Variants in AHCTF1 observed in about 807,000 individuals in gnomAD.
AHCTF1 encodes protein ELYS.
A neutral mutation model predicts 248.4 loss-of-function variants in AHCTF1; 24 were observed. The observed-to-expected ratio is 0.10, with a 90% CI of 0.07 to 0.14. The LOEUF (loss-of-function observed/expected upper bound fraction) is 0.14, where lower values mean the gene tolerates loss of function less well. Ranked by LOEUF, AHCTF1 falls within the 10% of genes least tolerant of loss-of-function variation. The pLI, the probability that AHCTF1 is intolerant of heterozygous loss-of-function variation, is 1.00. For synonymous variants in AHCTF1, 786 were observed against 929.8 expected (o/e 0.85, Z 2.81); for missense variants, 2,206 against 2,636.2 (o/e 0.84, Z 3.57).
chr1:246,878,609 A>G (rs1442752712), intron 21 of AHCTF1, among the ~76,000 whole-genome samples: 2 of 152,160 alleles, frequency 1.3e-5, no homozygotes, highest in Non-Finnish European at 2.9e-5. Context: ...ATACACTAAG[A>G]ATGGTAATGA....
rs1222656894 is a variant in AHCTF1 at position 246,899,996 on chromosome 1, C to A, written c.1432+69G>T. 4 of 1,426,532 alleles carry A rather than the reference C, an allele frequency of 2.8e-6. No homozygotes were observed. In the East Asian group the frequency reaches 9.3e-5, roughly 33 times the overall value. The allele number at this position is 1,426,532 out of a possible 1,614,324, so 88.4% of individuals were successfully genotyped here. On this transcript the variant is annotated intron_variant, in intron 10 of 35. Transcript: ENST00000648844. ...CAGATAACACTAAATGAATAAACTA[C>A]ACAACGTATACATTTACATACTTTT...
At chr1:246,897,225 A>G (rs1251580981) in intron 12 of AHCTF1, among the ~76,000 whole-genome samples, 3 of 152,194 alleles carry the variant, frequency 2.0e-5, no homozygotes, top group Non-Finnish European at 4.4e-5. Flanking sequence ...AGGCAGGAGA[A>G]TCACCTGAAC....
In AHCTF1 at chr1:246,850,434, T is replaced by A; in HGVS notation, c.5572A>T (p.Thr1858Ser). 1 of 1,596,470 alleles carries A rather than the reference T, an allele frequency of 6.3e-7. No homozygotes were observed. Among genetic ancestry groups the A allele is most frequent in the Admixed American group, 1.8e-5 (1 of 55,132 alleles). ...GATGAAACCTTAACTTCTTTTTTAGTAGTTTCTTCAACTGCTGGTTCCAAC... is the reference window on the plus strand; with the variant it reads ...GATGAAACCTTAACTTCTTTTTTAGAAGTTTCTTCAACTGCTGGTTCCAAC... ...QLLEPAVEET[T>S]KKEVKVSSVT... is the part of the protein sequence containing the mutation. Residue 1858 changes from threonine (T) to serine (S), a missense_variant, in exon 33 of 36, where the codon ACT becomes TCT. Physicochemically the swap from Thr to Ser is moderately conservative, Grantham distance 58 (BLOSUM62 1). Around this residue, in one of 6 missense-constraint regions of AHCTF1, gnomAD observed 29 missense variants for 57.1 expected, o/e 0.51. Coordinates refer to ENST00000648844, the MANE Select transcript of AHCTF1 (RefSeq NM_001323342.2).
At chr1:246,917,478 G>A (rs1666227480) in intron 2 of AHCTF1, among the ~76,000 whole-genome samples, 1 of 152,158 alleles carries the variant, frequency 6.6e-6, no homozygotes, top group African/African-American at 2.4e-5. Flanking sequence ...GATCCTTTCT[G>A]CCACTTACCT....
Position 246,862,020 on chromosome 1 carries a change from C to A in AHCTF1, c.3674G>T (p.Arg1225Leu), listed in dbSNP as rs372858806. The change falls in exon 28 of 36, where the codon CGA (arginine) becomes CTA (leucine). Residue 1225 changes from arginine (R) to leucine (L), a missense_variant. Physicochemically the swap from Arg to Leu is moderately radical, Grantham distance 102. Coordinates refer to ENST00000648844, the MANE Select transcript of AHCTF1 (RefSeq NM_001323342.2). ...AAATGAAATTCTAGTTTCTTTAAGT[C>A]GTTGAGGAGACCTTCCAGGTGATGG... Reference protein sequence around the residue: ...PSPSPGRSPQRLKETRISFVE... With the variant: ...PSPSPGRSPQLLKETRISFVE... 1.9e-6 allele frequency: 3 copies of A among 1,613,630 alleles called. No homozygotes were observed. Among genetic ancestry groups the A allele is most frequent in the South Asian group, 1.1e-5 (1 of 91,020 alleles).
At chr1:246,886,160 G>A (rs529028951) in intron 20 of AHCTF1, among the ~76,000 whole-genome samples, 12 of 152,168 alleles carry the variant, frequency 7.9e-5, no homozygotes, top group African/African-American at 1.2e-4. Context: ...GTGAAACCTC[G>A]TCTCTACTAA....
chr1:246,898,018 G>A (rs1281578560), intron 12 of AHCTF1, among the ~76,000 whole-genome samples, 190 bp downstream of exon 12: 1 of 152,164 alleles, frequency 6.6e-6, no homozygotes, highest in Non-Finnish European at 1.5e-5. Context: ...CTGCTGCCAA[G>A]TTATGGCCTA....
At chr1:246,857,886 CT>C in intron 29 of AHCTF1, 72 bp from the exon 30 acceptor site, 1 of 1,424,936 alleles carries the variant, frequency 7.0e-7, no homozygotes, top group Non-Finnish European at 9.6e-7. Context: ...TGCATTATTA[CT>C]TTTTAAAAAG....
intron 32 of AHCTF1, among the ~76,000 whole-genome samples, chr1:246,852,363 A>G (rs983875360): frequency 1.1e-5 from 1 of 94,486 alleles, no homozygotes; most frequent in Non-Finnish European, 2.5e-5. Flanking sequence ...ATTTCTATAA[A>G]TAATTAGAAG....
At chr1:246,898,621 A>AAC (rs74163703) in intron 11 of AHCTF1, among the ~76,000 whole-genome samples, 6,623 of 146,984 alleles carry the variant, frequency 0.045, 154 homozygotes, top group East Asian at 0.095. Flanking sequence ...ATCTTGACAA[A>AAC]ACACACACAC....
chr1:246,907,887 T>C, intron 4 of AHCTF1, 129 bp from the exon 5 acceptor site: 1 of 767,610 alleles, frequency 1.3e-6, no homozygotes, highest in Non-Finnish European at 2.0e-6. Context: ...ATTAAAAGAT[T>C]AGTGATAACA....
intron 5 of AHCTF1, 101 bp downstream of exon 5, chr1:246,907,450 C>A: frequency 9.6e-7 from 1 of 1,037,794 alleles, no homozygotes. Flanking sequence ...AATCTACCCA[C>A]CCTTTTCTCA....
chr1:246,858,811 A>AAT (rs1661301238), intron 29 of AHCTF1, among the ~76,000 whole-genome samples: 1 of 152,090 alleles, frequency 6.6e-6, no homozygotes, highest in Admixed American at 6.5e-5. Flanking sequence ...AAAAAAAAAA[A>AAT]AAATAAATAC....
At chr1:246,896,065 A>G (rs1253517017) in intron 12 of AHCTF1, 140 bp from the exon 13 acceptor site, 9 of 602,422 alleles carry the variant, frequency 1.5e-5, no homozygotes, top group Admixed American at 1.2e-4. Flanking sequence ...TCAAAAGACA[A>G]TAACAAGCAT....
intron 33 of AHCTF1, among the ~76,000 whole-genome samples, chr1:246,848,188 C>G (rs1660426248): frequency 6.6e-6 from 1 of 152,060 alleles, no homozygotes; most frequent in Non-Finnish European, 1.5e-5. Flanking sequence ...GAGTCATTCT[C>G]CTGGGCTCAA....
chr1:246,879,697 G>A (rs1452956226), intron 21 of AHCTF1, among the ~76,000 whole-genome samples: 1 of 151,974 alleles, frequency 6.6e-6, no homozygotes, highest in Non-Finnish European at 1.5e-5. Context: ...GCGTGGTGGT[G>A]CATGCCTGTA....
chr1:246,864,679 CA>C (rs1188015657), intron 26 of AHCTF1, among the ~76,000 whole-genome samples: 12 of 22,908 alleles, frequency 5.2e-4, no homozygotes, highest in African/African-American at 1.6e-3. Flanking sequence ...ACTAAAAATA[CA>C]AAAAAAAAAA....
At chr1:246,911,097 A>C (rs1258567475) in intron 4 of AHCTF1, among the ~76,000 whole-genome samples, 1 of 152,224 alleles carries the variant, frequency 6.6e-6, no homozygotes, top group African/African-American at 2.4e-5. Flanking sequence ...CAAAATTGAG[A>C]AATGGTTCTG....
intron 3 of AHCTF1, among the ~76,000 whole-genome samples, chr1:246,913,811 C>CA (rs1482008644): frequency 1.1e-4 from 17 of 152,310 alleles, no homozygotes; most frequent in African/African-American, 2.9e-4. Flanking sequence ...GCATAAAACG[C>CA]AAACCTAAAT....
Sources: allele counts gnomAD v4.1 joint callset (sites outside exome capture counted in the v4.1 genomes callset), GRCh38; gene constraint gnomAD v4.1.1; regional missense constraint gnomAD v4.1.1; transcripts MANE v1.5; gene names NCBI Gene and HGNC (gene_info 2026-07-23, HGNC 2026-07-21).